The following ZNF254 variants were observed in gnomAD, a reference collection of about 807,000 sequenced individuals.
ZNF254 encodes CTD-2017D11.1.
In ZNF254, 10 loss-of-function variants were observed where a neutral mutation model predicts 12.4. The observed-to-expected ratio is 0.80, with a 90% confidence interval of 0.50 to 1.36. ZNF254 has a LOEUF of 1.36. ZNF254 is among the 40% of genes most tolerant of loss of function. The pLI is 0.00. For missense variants in ZNF254, 996 were observed against 763.9 expected (o/e 1.30, Z -3.58); for synonymous variants, 305 against 253.4 (o/e 1.20, Z -1.93).
Position 24,117,665 on chromosome 19 carries a change from G to A in ZNF254, c.254-8589G>A, listed in dbSNP as rs10402881. On this transcript the variant is annotated intron_variant, in intron 3 of 3. Transcript: ENST00000357002. Reference sequence around the variant, plus strand: ...CACTTCCTGAGTGAGGTAATGCCTAGCCCTGCTTCGGCTCTTCCACGCTTT... The same window carrying A: ...CACTTCCTGAGTGAGGTAATGCCTAACCCTGCTTCGGCTCTTCCACGCTTT... 5.9e-5 allele frequency among the ~76,000 whole-genome samples: 9 copies of A among 152,180 alleles called. 1 individual carries two copies. The highest frequency in any genetic ancestry group is 5.9e-4 in the Admixed American group (9 of 15,278).
At chr19:24,109,720 C>CTTTT (rs59907004) in intron 3 of ZNF254, among the ~76,000 whole-genome samples, 1 of 132,334 alleles carries the variant, frequency 7.6e-6, no homozygotes. Flanking sequence ...CTTTTCTTTT[C>CTTTT]TTTTTTTTTT....
chr19:24,041,507 C>T (rs540877945), intron 1 of ZNF254, among the ~76,000 whole-genome samples: 27 of 152,340 alleles, frequency 1.8e-4, no homozygotes, highest in African/African-American at 5.8e-4. Context: ...GCTGGCCCAC[C>T]GGCGCTACGC....
chr19:24,082,816 C>T (rs1971899192), upstream of ZNF254, among the ~76,000 whole-genome samples: 1 of 151,658 alleles, frequency 6.6e-6, no homozygotes, highest in Admixed American at 6.6e-5. Flanking sequence ...TCAATCTCTT[C>T]AATTTTTTTT....
chr19:24,111,380 C>T (rs1973670625), intron 3 of ZNF254, among the ~76,000 whole-genome samples: 1 of 152,104 alleles, frequency 6.6e-6, no homozygotes, highest in South Asian at 2.1e-4. Context: ...GGTTCCAAGT[C>T]TTTGCTATTG....
At chr19:24,100,747 C>T (rs1320023948) in intron 1 of ZNF254, among the ~76,000 whole-genome samples, 1 of 150,902 alleles carries the variant, frequency 6.6e-6, no homozygotes, top group Non-Finnish European at 1.5e-5. Context: ...AAATTCCAGG[C>T]ATCTTGAATA....
intron 3 of ZNF254, among the ~76,000 whole-genome samples, chr19:24,109,552 A>C (rs1171868457): frequency 6.6e-6 from 1 of 152,118 alleles, no homozygotes; most frequent in African/African-American, 2.4e-5. Flanking sequence ...ACTTTAAGTC[A>C]GTGTCTGGTT....
chr19:24,078,033 T>TTTG (rs1160738510), intron 2 of ZNF254, among the ~76,000 whole-genome samples: 19 of 152,174 alleles, frequency 1.2e-4, no homozygotes, highest in Admixed American at 2.0e-4. Flanking sequence ...AGGGGCATTT[T>TTTG]TTGTTGTTGT....
chr19:24,125,913 A>G (rs1599770675), intron 3 of ZNF254, among the ~76,000 whole-genome samples: 2 of 152,354 alleles, frequency 1.3e-5, no homozygotes, highest in East Asian at 3.9e-4. Context: ...ACAGAAACCA[A>G]GAGTTGGCAA....
intron 3 of ZNF254, among the ~76,000 whole-genome samples, chr19:24,113,101 T>C (rs1018161851): frequency 2.0e-5 from 3 of 152,082 alleles, no homozygotes; most frequent in Non-Finnish European, 2.9e-5. Context: ...CTACCAGAGG[T>C]GCAAGGAGGA....
chr19:24,063,428 C>G (rs962354762), intron 2 of ZNF254, among the ~76,000 whole-genome samples: 1 of 152,088 alleles, frequency 6.6e-6, no homozygotes, highest in Non-Finnish European at 1.5e-5. Flanking sequence ...GGTGTTGCAC[C>G]CAGGTGGTGT....
At chr19:24,046,373 T>TTATATATATATATATTTATA (rs1970386318) in intron 2 of ZNF254, 1 of 95,508 alleles carries the variant, frequency 1.0e-5, no homozygotes, top group African/African-American at 4.3e-5. Context: ...TTATTATTTT[T>TTATATATATATATATTTATA]TATATATATA....
At chr19:24,073,429 A>C (rs1051608117) in intron 2 of ZNF254, among the ~76,000 whole-genome samples, 3 of 152,226 alleles carry the variant, frequency 2.0e-5, no homozygotes, top group African/African-American at 7.2e-5. Context: ...CATACCAGGA[A>C]GAAAGTTTCA....
intron 1 of ZNF254, among the ~76,000 whole-genome samples, chr19:24,088,004 C>G (rs1249673829): frequency 2.7e-5 from 4 of 150,918 alleles, no homozygotes; most frequent in Non-Finnish European, 5.9e-5. Context: ...CAACCTCCGC[C>G]TCTTGGGTTC....
At position 24,126,821 on chromosome 19, in the gene ZNF254, C is replaced by A. The variant is rs1974886149; in HGVS notation, c.821C>A (p.Ala274Asp). 6.2e-7 allele frequency: 1 copy of A among 1,612,902 alleles called. No individual in the cohort carries two copies. Among genetic ancestry groups the A allele is most frequent in the African/African-American group, 1.3e-5 (1 of 74,830 alleles). The change falls in exon 4 of 4, where the codon GCT (alanine) becomes GAT (aspartate). Residue 274 changes from alanine to aspartate, a missense_variant. Physicochemically the swap from Ala to Asp is moderately radical, Grantham distance 126. Transcript: ENST00000357002. ...KLYKCEECGE[A>D]FNRSSNLTTH... ...TACAAATGTGAAGAATGTGGTGAAGCTTTTAATCGATCCTCAAATCTTACT... is the reference window on the plus strand; with the variant it reads ...TACAAATGTGAAGAATGTGGTGAAGATTTTAATCGATCCTCAAATCTTACT...
chr19:24,104,020 C>T (rs186378425), intron 1 of ZNF254, among the ~76,000 whole-genome samples: 44 of 152,108 alleles, frequency 2.9e-4, no homozygotes, highest in African/African-American at 1.1e-3. Flanking sequence ...ACACCACACC[C>T]AGCCAACTTT....
intron 2 of ZNF254, among the ~76,000 whole-genome samples, chr19:24,072,005 C>T (rs993770942): frequency 6.6e-6 from 1 of 152,034 alleles, no homozygotes; most frequent in African/African-American, 2.4e-5. Context: ...TGGTGTGATT[C>T]TCCTGCTTGA....
At chr19:24,112,355 T>G (rs1468570952) in intron 3 of ZNF254, among the ~76,000 whole-genome samples, 1 of 143,536 alleles carries the variant, frequency 7.0e-6, no homozygotes, top group African/African-American at 2.6e-5. Context: ...TACTGTAGCC[T>G]TGTAGTATAG....
intron 1 of ZNF254, chr19:24,105,599 A>G (rs1184118298): frequency 4.2e-6 from 1 of 237,350 alleles, no homozygotes; most frequent in African/African-American, 2.4e-5. Context: ...AAAAATATAA[A>G]CAACTATGTC....
At chr19:24,082,256 C>T (rs919272340), upstream of ZNF254, among the ~76,000 whole-genome samples, 1 of 151,580 alleles carries the variant, frequency 6.6e-6, no homozygotes, top group African/African-American at 2.4e-5. Flanking sequence ...AAATGTGTTC[C>T]TCAATAGTAA....
Sources: allele counts gnomAD v4.1 joint callset (sites outside exome capture counted in the v4.1 genomes callset), GRCh38; gene constraint gnomAD v4.1.1; transcripts MANE v1.5; gene names NCBI Gene and HGNC (gene_info 2026-07-23, HGNC 2026-07-21).